HECW1: variants seen among roughly 807,000 people sequenced by gnomAD.
HECW1 encodes the protein HECT, C2 and WW domain containing E3 ubiquitin protein ligase 1.
HECW1 carries 61 observed loss-of-function variants against 182.3 expected under a neutral mutation model. The ratio of observed to expected loss-of-function variants is 0.33; its 90% confidence interval spans 0.27 to 0.41. The LOEUF (loss-of-function observed/expected upper bound fraction) is 0.41. Among genes scored for constraint, HECW1 ranks in the 10% least tolerant of loss-of-function variants. HECW1 has a pLI of 1.00. For synonymous variants in HECW1, 859 were observed against 832.6 expected, an observed-to-expected ratio of 1.03 and a Z score of -0.55; for missense variants, 1,739 against 2,108.9, an observed-to-expected ratio of 0.82 and a Z score of 3.44.
At chr7:43,173,050 A>G (rs1412533324) in intron 2 of HECW1, among the ~76,000 whole-genome samples, 6 of 151,860 alleles carry the variant, frequency 4.0e-5, no homozygotes, top group African/African-American at 1.5e-4. Flanking sequence ...CAGACACCCA[A>G]CTCCTTAAAG....
rs376895390 is a variant in HECW1, at chr7:43,493,190, G to A, written c.3437+10G>A. 3.7e-4 allele frequency: 583 copies of A among 1,582,226 alleles called. No individual in the cohort carries two copies. The highest frequency in any genetic ancestry group is 4.8e-4 in the Non-Finnish European group (549 of 1,152,206). On this transcript the variant is annotated intron_variant, in intron 19 of 29. Transcript: ENST00000395891. ...GAAACCACACACTCAGGTAAGCCTCGCCCCTCACTCCCTGGAACTCTAGGT... is the reference window on the plus strand; with the variant it reads ...GAAACCACACACTCAGGTAAGCCTCACCCCTCACTCCCTGGAACTCTAGGT...
intron 8 of HECW1, among the ~76,000 whole-genome samples, chr7:43,420,993 TG>T (rs2076164646): frequency 6.6e-6 from 1 of 151,860 alleles, no homozygotes; most frequent in South Asian, 2.1e-4. Flanking sequence ...AAGAGAGTCT[TG>T]AAAAAGAAAA....
intron 8 of HECW1, among the ~76,000 whole-genome samples, chr7:43,414,571 A>C (rs902530158): frequency 1.3e-5 from 2 of 150,770 alleles, no homozygotes; most frequent in Admixed American, 6.6e-5. Context: ...TTGCCCATTC[A>C]GTATGATATT....
At chr7:43,483,877 T>C (rs1057266345) in intron 17 of HECW1, among the ~76,000 whole-genome samples, 3 of 151,652 alleles carry the variant, frequency 2.0e-5, no homozygotes, top group African/African-American at 7.3e-5. Context: ...AAGAAGACAA[T>C]GAAAGCCAAG....
At position 43,397,072 on chromosome 7, in the gene HECW1, T is replaced by C. The variant is rs374690324; in HGVS notation, c.631+183T>C. 4.3e-4 allele frequency among the ~76,000 whole-genome samples: 66 copies of C among 152,294 alleles called. No homozygotes were observed. The South Asian group carries it at 0.013, about 31-fold the overall frequency. On this transcript the variant is annotated intron_variant, in intron 7 of 29. Transcript: ENST00000395891. ...ATTTCCCTTGACCACATAAGGATAA[T>C]AGAGAGTTTAGGAAGTAATAGATGT...
chr7:43,141,579 G>A (rs987202893), intron 2 of HECW1, among the ~76,000 whole-genome samples: 25 of 151,914 alleles, frequency 1.6e-4, no homozygotes, highest in African/African-American at 3.6e-4. Flanking sequence ...AGCTCACCGC[G>A]CCTCCGCCTC....
chr7:43,384,203 C>T (rs539754115), intron 6 of HECW1, among the ~76,000 whole-genome samples: 8 of 152,282 alleles, frequency 5.3e-5, no homozygotes, highest in East Asian at 1.9e-4. Context: ...GAATTACTAC[C>T]GGTTACTTCT....
At chr7:43,178,182 T>C (rs1792447663) in intron 2 of HECW1, among the ~76,000 whole-genome samples, 1 of 152,158 alleles carries the variant, frequency 6.6e-6, no homozygotes, top group South Asian at 2.1e-4. Context: ...AATTTTTGTA[T>C]TTTAGTAGAG....
chr7:43,438,068 G>A lies in HECW1; in HGVS notation c.867G>A (p.Lys289=). Residue 289 remains lysine (K), a synonymous_variant, in exon 9 of 30, where the codon AAG becomes AAA. Coordinates refer to ENST00000395891, the MANE Select transcript of HECW1 (RefSeq NM_015052.5). ...LEIEVKDKFA[K]SRPIIKRFLG... is the part of the protein sequence containing the mutation. ...TTGAGGTGAAGGACAAGTTTGCCAA[G>A]AGCCGCCCCATCATCAAGCGCTTCT... The A allele has an allele frequency of 6.2e-7, 1 of 1,614,080 alleles. No individual in the cohort carries two copies. The highest frequency in any genetic ancestry group is 1.1e-5 in the South Asian group (1 of 91,072).
At chr7:43,172,924 C>A (rs1044913104) in intron 2 of HECW1, among the ~76,000 whole-genome samples, 2 of 152,212 alleles carry the variant, frequency 1.3e-5, no homozygotes, top group African/African-American at 4.8e-5. Flanking sequence ...ATTTCACATT[C>A]GTTTGCCTTT....
chr7:43,249,043 C>G (rs1799753822), intron 3 of HECW1: 1 of 152,336 alleles, frequency 6.6e-6, no homozygotes, highest in Non-Finnish European at 1.5e-5. Flanking sequence ...GGTCGAGGAG[C>G]TCCCGTGAGG....
In HECW1 at chr7:43,444,420, T is replaced by C. The variant is rs2152877493; in HGVS notation, c.1248T>C (p.Ala416=). Residue 416 remains alanine (A), a synonymous_variant, in exon 11 of 30, where the codon GCT becomes GCC. Coordinates refer to ENST00000395891, the MANE Select transcript of HECW1 (RefSeq NM_015052.5). This position sits in a 1 kb window ranked among gnomAD's most constrained non-coding sequence, Gnocchi z 4.3. ...AAAGCATAGAGCTTTCCAGACCAGCTGAGGAAGCAGCAGTCATCACGGAGG... is the reference window on the plus strand; with the variant it reads ...AAAGCATAGAGCTTTCCAGACCAGCCGAGGAAGCAGCAGTCATCACGGAGG... ...GNQSIELSRP[A]EEAAVITEAG... 1 of 1,613,794 alleles carries C rather than the reference T, an allele frequency of 6.2e-7. No individual in the cohort carries two copies. Among genetic ancestry groups the C allele is most frequent in the Middle Eastern group, 1.6e-4 (1 of 6,062 alleles).
chr7:43,450,499 A>G (rs1562994441), intron 11 of HECW1, among the ~76,000 whole-genome samples: 1 of 152,152 alleles, frequency 6.6e-6, no homozygotes, highest in Non-Finnish European at 1.5e-5. Flanking sequence ...GGCTAAAATC[A>G]GGCTCTGCTA....
intron 8 of HECW1, among the ~76,000 whole-genome samples, chr7:43,426,209 T>TTA (rs2076359576): frequency 6.6e-6 from 1 of 152,224 alleles, no homozygotes; most frequent in Non-Finnish European, 1.5e-5. Context: ...TTACATCTGT[T>TTA]TATATATAGA....
At chr7:43,539,249 C>A (rs2081281194) in intron 24 of HECW1, among the ~76,000 whole-genome samples, 1 of 152,172 alleles carries the variant, frequency 6.6e-6, no homozygotes, top group Non-Finnish European at 1.5e-5. Context: ...CCAGGTTCCA[C>A]TTTGTGTTTA....
At chr7:43,512,092 T>C (rs2079903429) in intron 24 of HECW1, 1 of 221,792 alleles carries the variant, frequency 4.5e-6, no homozygotes, top group African/African-American at 2.2e-5. Context: ...CCTTCCACCT[T>C]CTGAGGGAGT....
At chr7:43,141,276 C>T (rs1188736192) in intron 2 of HECW1, among the ~76,000 whole-genome samples, 1 of 152,098 alleles carries the variant, frequency 6.6e-6, no homozygotes, top group East Asian at 1.9e-4. Context: ...ACCAGGGTGC[C>T]CACCCCCACG....
chr7:43,247,905 G>A (rs1799572706), intron 3 of HECW1, among the ~76,000 whole-genome samples: 2 of 139,922 alleles, frequency 1.4e-5, no homozygotes, highest in South Asian at 4.6e-4. Context: ...AGGAAGGAAG[G>A]AAGGAGGGAG....
At chr7:43,362,812 G>A (rs73326146) in intron 6 of HECW1, among the ~76,000 whole-genome samples, 13,604 of 152,282 alleles carry the variant, frequency 0.089, 773 homozygotes, top group East Asian at 0.22. Context: ...TCCACTGCAG[G>A]CCTGGCCTCT....
Sources: allele counts gnomAD v4.1 joint callset (sites outside exome capture counted in the v4.1 genomes callset), GRCh38; gene constraint gnomAD v4.1.1; non-coding constraint Gnocchi (gnomAD v3.1); transcripts MANE v1.5; gene names NCBI Gene and HGNC (gene_info 2026-07-23, HGNC 2026-07-21).